ZNF107: variants seen among roughly 807,000 people sequenced by gnomAD.
ZNF107 encodes the protein C2H2 type zinc-finger protein.
ZNF107 carries 19 observed loss-of-function variants against 12.3 expected under a neutral mutation model. That is an observed-to-expected ratio of 1.55 (90% CI 1.08 to 2.27). ZNF107 has a LOEUF of 2.27. Ranked by LOEUF, ZNF107 falls within the 30% of genes most tolerant of loss-of-function variation. ZNF107 has a pLI of 0.00. For missense variants in ZNF107, 958 were observed against 979.9 expected, an observed-to-expected ratio of 0.98 and a Z score of 0.30; for synonymous variants, 317 against 330.5, an observed-to-expected ratio of 0.96 and a Z score of 0.44.
At chr7:64,691,548 T>C (rs555078959) in intron 2 of ZNF107, among the ~76,000 whole-genome samples, 174 bp downstream of exon 2, 1 of 152,314 alleles carries the variant, frequency 6.6e-6, no homozygotes, top group African/African-American at 2.4e-5. Flanking sequence ...AGATACTTCA[T>C]CTTGACCTGA....
chr7:64,692,442 A>T (rs1281620415), intron 3 of ZNF107, among the ~76,000 whole-genome samples: 2 of 152,152 alleles, frequency 1.3e-5, no homozygotes, highest in Admixed American at 6.5e-5. Context: ...GTTTGAAATT[A>T]TAAACTATGA....
At position 64,711,495 on chromosome 7, in the gene ZNF107, C is replaced by A. The variant is rs1407705709; in HGVS notation, c.*2839C>A. 4 of 152,064 alleles carry A rather than the reference C, an allele frequency of 2.6e-5. No individual in the cohort carries two copies. Among genetic ancestry groups the A allele is most frequent in the African/African-American group, 7.2e-5 (3 of 41,400 alleles). The allele number at this position is 152,064 out of a possible 1,614,324, so 9.4% of individuals were successfully genotyped here. Reference sequence around the variant, plus strand: ...GAATGTACAGTCGTTACTACAGGGTCATTTTATGGTTATAATAAAAATTAT... The same window carrying A: ...GAATGTACAGTCGTTACTACAGGGTAATTTTATGGTTATAATAAAAATTAT... On this transcript the variant is annotated 3_prime_UTR_variant, in exon 4 of 4. Transcript: ENST00000620827.
intron 1 of ZNF107, among the ~76,000 whole-genome samples, chr7:64,673,289 G>A (rs574849116): frequency 1.3e-5 from 2 of 152,258 alleles, no homozygotes; most frequent in Non-Finnish European, 1.5e-5. Flanking sequence ...TGATCCACCC[G>A]CCTTGGCCTC....
At chr7:64,686,767 G>T (rs1204694721) in intron 1 of ZNF107, 3 of 849,402 alleles carry the variant, frequency 3.5e-6, no homozygotes, top group Non-Finnish European at 4.2e-6. Flanking sequence ...AAACCATGTT[G>T]TAATTTTCCA....
At chr7:64,686,376 T>C (rs1439587649) in intron 1 of ZNF107, 1 of 323,462 alleles carries the variant, frequency 3.1e-6, no homozygotes, top group African/African-American at 2.3e-5. Context: ...CTACAAAATC[T>C]CATTCAAGCT....
chr7:64,678,076 A>C (rs1356347744), intron 1 of ZNF107, among the ~76,000 whole-genome samples: 1 of 152,142 alleles, frequency 6.6e-6, no homozygotes, highest in Non-Finnish European at 1.5e-5. Context: ...TTAACAGCTA[A>C]ATAAATTTTT....
At chr7:64,671,827 G>T (rs1789239607) in intron 1 of ZNF107, among the ~76,000 whole-genome samples, 1 of 146,716 alleles carries the variant, frequency 6.8e-6, no homozygotes, top group African/African-American at 2.5e-5. Flanking sequence ...TGTTGCCCAG[G>T]CTGGAGTGCA....
chr7:64,702,627 G>A (rs1187147371), intron 3 of ZNF107, among the ~76,000 whole-genome samples: 1 of 151,310 alleles, frequency 6.6e-6, no homozygotes, highest in African/African-American at 2.4e-5. Flanking sequence ...GTGCGATCTC[G>A]GCTCACCACA....
rs1790814259 is a variant in ZNF107 at position 64,709,532 on chromosome 7, G to T, written c.*876G>T. 3 of 365,192 alleles carry T rather than the reference G, an allele frequency of 8.2e-6. No homozygotes were observed. The highest frequency in any genetic ancestry group is 6.0e-5 in the South Asian group (3 of 50,036). 22.6% of individuals were successfully genotyped at this position (365,192 alleles called of 1,614,324 possible). The stretch of plus-strand genomic sequence containing the variant: ...TAAATCATACTGGTGAAAAATCCTA[G>T]AAATGTGAAAAATATCACAAAGCCT... On this transcript the variant is annotated 3_prime_UTR_variant, in exon 4 of 4. Coordinates refer to ENST00000620827, the MANE Select transcript of ZNF107 (RefSeq NM_001282359.2).
chr7:64,706,376 T>A lies in ZNF107; in HGVS notation c.279T>A (p.Asp93Glu), dbSNP rs1411971327. Reference sequence around the variant, plus strand: ...TTTGGCCAGAGCAGAACATAAAAGATTCTTTCCAGAAAGTGACACTGAGAA... The same window carrying A: ...TTTGGCCAGAGCAGAACATAAAAGAATCTTTCCAGAAAGTGACACTGAGAA... Reference protein sequence around the residue: ...QDLWPEQNIKDSFQKVTLRRY... With the variant: ...QDLWPEQNIKESFQKVTLRRY... Residue 93 changes from aspartate to glutamate, a missense_variant, in exon 4 of 4, where the codon GAT (aspartate) becomes GAA (glutamate). Asp to Glu is a conservative substitution (Grantham distance 45, BLOSUM62 2). Coordinates refer to ENST00000620827, the MANE Select transcript of ZNF107 (RefSeq NM_001282359.2). 1 of 1,609,710 alleles carries A rather than the reference T, an allele frequency of 6.2e-7. No individual in the cohort carries two copies. The highest frequency in any genetic ancestry group is 8.5e-7 in the Non-Finnish European group (1 of 1,177,628).
chr7:64,690,370 G>C (rs1790074588), intron 1 of ZNF107: 1 of 985,328 alleles, frequency 1.0e-6, no homozygotes, highest in South Asian at 4.7e-5. Context: ...GTTCTGTTCA[G>C]ATTCACCCTT....
intron 1 of ZNF107, chr7:64,684,627 G>A (rs79371928): frequency 0.017 from 16,522 of 985,256 alleles, 177 homozygotes; most frequent in African/African-American, 0.035. Context: ...GCTCCTGTCC[G>A]CCCTGCTTCT....
rs375727539 is a variant in ZNF107 at position 64,707,571 on chromosome 7, C to T, written c.1474C>T (p.Arg492Ter). Residue 492 changes from arginine (R) to a stop codon, truncating the protein, a stop_gained, in exon 4 of 4, where the codon CGA becomes TGA. Transcript: ENST00000620827. LOFTEE classifies it low-confidence loss of function (END_TRUNC). Reference protein sequence around the residue: ...KCEECGKAFNRSSTLTRHKKI... With the variant: ...KCEECGKAFN ...TGAAGAATGTGGAAAAGCTTTTAAT[C>T]GATCCTCAACCCTTACTAGACATAA... The T allele has an allele frequency of 8.1e-6, 13 of 1,612,804 alleles. No homozygotes were observed. The highest frequency in any genetic ancestry group is 1.0e-5 in the Non-Finnish European group (12 of 1,179,572).
chr7:64,684,672 C>G (rs1165696973), intron 1 of ZNF107: 1 of 985,324 alleles, frequency 1.0e-6, no homozygotes, highest in South Asian at 4.7e-5. Flanking sequence ...GCCAAGACAT[C>G]TCCTGGTTTC....
In ZNF107 at chr7:64,707,324, C is replaced by A; in HGVS notation, c.1227C>A (p.Phe409Leu). The A allele has an allele frequency of 6.2e-7, 1 of 1,613,098 alleles. No homozygotes were observed. ...CEECGKVFNQ[F>L]STLTRHKIIH... ...AATGTGGCAAAGTCTTTAACCAGTT[C>A]TCAACTCTTACTAGACATAAGATAA... The change falls in exon 4 of 4, where the codon TTC becomes TTA. Residue 409 changes from phenylalanine to leucine, a missense_variant. Transcript: ENST00000620827.
chr7:64,690,542 C>A, intron 1 of ZNF107: 1 of 980,198 alleles, frequency 1.0e-6, no homozygotes, highest in Non-Finnish European at 1.2e-6. Flanking sequence ...ATTTTAGGGT[C>A]CTAATTTTTA....
rs777577857 is a variant in ZNF107 at position 64,706,868 on chromosome 7, CA to C, written c.774del (p.Lys258AsnfsTer20). 2 of 1,613,512 alleles carry C rather than the reference CA, an allele frequency of 1.2e-6. No homozygotes were observed. Among genetic ancestry groups the C allele is most frequent in the African/African-American group, 2.7e-5 (2 of 75,034 alleles). On this transcript the variant is annotated frameshift_variant, in exon 4 of 4. Transcript: ENST00000620827. LOFTEE classifies it low-confidence loss of function (END_TRUNC). ...TAATTCATACTGAAGAGAAACCCAACAAATGTGAAGAATGTGGCAAGGCCTT... is the reference window on the plus strand; with the variant it reads ...TAATTCATACTGAAGAGAAACCCAACAATGTGAAGAATGTGGCAAGGCCTT... ...KIIHTEEKPNKCEECGKAFKQ... is the reference protein window; with the variant it reads ...KIIHTEEKPNXCEECGKAFKQ...
In ZNF107 at chr7:64,707,780, A is replaced by G. The variant is rs1169419841; in HGVS notation, c.1683A>G (p.Gly561=). 3.7e-6 allele frequency: 6 copies of G among 1,612,000 alleles called. No individual in the cohort carries two copies. The highest frequency in any genetic ancestry group is 5.1e-6 in the Non-Finnish European group (6 of 1,179,396). Residue 561 remains glycine, a synonymous_variant, in exon 4 of 4, where the codon GGA becomes GGG. Coordinates refer to ENST00000620827, the MANE Select transcript of ZNF107 (RefSeq NM_001282359.2). ...CTAAACATAAGAGAATTCATACTGG[A>G]GAAAAACCCTATAAATGTGAAGAAT... The part of the protein sequence containing the change: ...TLTKHKRIHT[G]EKPYKCEECG...
chr7:64,666,494 A>G (rs1022640144), intron 1 of ZNF107, among the ~76,000 whole-genome samples: 1 of 152,102 alleles, frequency 6.6e-6, no homozygotes, highest in Non-Finnish European at 1.5e-5. Context: ...GGCTGGGCTG[A>G]CAGCCGGGAC....
Sources: allele counts gnomAD v4.1 joint callset (sites outside exome capture counted in the v4.1 genomes callset), GRCh38; gene constraint gnomAD v4.1.1; transcripts MANE v1.5; gene names NCBI Gene and HGNC (gene_info 2026-07-23, HGNC 2026-07-21).